Variants in NEMP2 observed in about 807,000 individuals in gnomAD.
The protein encoded by NEMP2 is nuclear envelope integral membrane protein 2.
A neutral mutation model predicts 54.2 loss-of-function variants in NEMP2; 53 were observed. The observed-to-expected ratio is 0.98, with a 90% CI of 0.78 to 1.23. The LOEUF is 1.23. NEMP2 is among the 50% of genes most tolerant of loss of function. The pLI is 0.00. For missense variants in NEMP2, 455 were observed against 511.3 expected (o/e 0.89, Z 1.06); for synonymous variants, 197 against 190.3 (o/e 1.04, Z -0.29).
chr2:190,593,199 T>C, the NEMP2 span, among the ~76,000 whole-genome samples: 1 of 152,248 alleles, frequency 6.6e-6, no homozygotes, highest in Admixed American at 6.5e-5. This position sits in a 1 kb window ranked among gnomAD's most constrained non-coding sequence, Gnocchi z 4.5. Context: ...GCATCTGCCA[T>C]GCCCTAGCTT....
At chr2:190,588,632 C>G in the NEMP2 span, among the ~76,000 whole-genome samples, 1 of 152,058 alleles carries the variant, frequency 6.6e-6, no homozygotes, top group Non-Finnish European at 1.5e-5. This position sits in a 1 kb window ranked among gnomAD's most constrained non-coding sequence, Gnocchi z 5.0. Context: ...TCCTTTGGGC[C>G]AATTCAATGT....
Position 190,510,334 on chromosome 2 carries a change from T to C in NEMP2, c.1130+27A>G, listed in dbSNP as rs1172191676. The C allele has an allele frequency of 9.0e-6, 14 of 1,550,418 alleles. No individual in the cohort carries two copies. Among genetic ancestry groups the C allele is most frequent in the Non-Finnish European group, 1.1e-5 (13 of 1,146,168 alleles). On this transcript the variant is annotated intron_variant, in intron 8 of 8. Transcript: ENST00000409150. The surrounding 1 kb of genome is among the most constrained non-coding windows in gnomAD (Gnocchi z 5.7). The stretch of plus-strand genomic sequence containing the variant: ...TTTTAAATCATTCTGAACTAAACTA[T>C]GGTCCGAGCAGCAGAGCGGGACTTA...
At chr2:190,427,397 G>T in the NEMP2 span, among the ~76,000 whole-genome samples, 1 of 152,162 alleles carries the variant, frequency 6.6e-6, no homozygotes, top group African/African-American at 2.4e-5. Flanking sequence ...TTTTTCTGTG[G>T]TATTTGGCTG....
the NEMP2 span, among the ~76,000 whole-genome samples, chr2:190,444,047 C>T: frequency 5.3e-5 from 8 of 151,830 alleles, no homozygotes; most frequent in African/African-American, 1.9e-4. Context: ...AGAGCAAGAC[C>T]CTGTTTCAAA....
At chr2:190,483,842 A>AG in the NEMP2 span, among the ~76,000 whole-genome samples, 2 of 151,864 alleles carry the variant, frequency 1.3e-5, no homozygotes, top group Non-Finnish European at 2.9e-5. Context: ...TTTCAAAAAA[A>AG]AAAAAAAAAA....
At chr2:190,480,907 G>T in the NEMP2 span, among the ~76,000 whole-genome samples, 2 of 152,110 alleles carry the variant, frequency 1.3e-5, no homozygotes, top group African/African-American at 2.4e-5. Context: ...CAGGATCAGA[G>T]AAAATATAAT....
At chr2:190,503,663 T>C (rs944812412), downstream of NEMP2, among the ~76,000 whole-genome samples, 4 of 152,142 alleles carry the variant, frequency 2.6e-5, no homozygotes, top group African/African-American at 9.7e-5. This position sits in a 1 kb window ranked among gnomAD's most constrained non-coding sequence, Gnocchi z 6.3. Context: ...CTTTGGAGCA[T>C]GGAGACAAGA....
At chr2:190,475,857 A>C in the NEMP2 span, among the ~76,000 whole-genome samples, 2 of 152,214 alleles carry the variant, frequency 1.3e-5, no homozygotes, top group Non-Finnish European at 2.9e-5. Context: ...CTGGTACCAA[A>C]ACAGAGATAT....
At chr2:190,483,075 G>A in the NEMP2 span, among the ~76,000 whole-genome samples, 1 of 149,582 alleles carries the variant, frequency 6.7e-6, no homozygotes. Flanking sequence ...TGTATTTTTA[G>A]TAGAGACGGG....
At chr2:190,535,436 C>T (rs1342839461), upstream of NEMP2, among the ~76,000 whole-genome samples, 1 of 152,010 alleles carries the variant, frequency 6.6e-6, no homozygotes, top group Non-Finnish European at 1.5e-5. Context: ...TAACATATAA[C>T]CTGAATGATC....
chr2:190,628,198 T>C, the NEMP2 span: 1 of 152,280 alleles, frequency 6.6e-6, no homozygotes, highest in South Asian at 2.1e-4. The surrounding 1 kb of genome is among the most constrained non-coding windows in gnomAD (Gnocchi z 4.1). Flanking sequence ...TTTACTCCAT[T>C]TTAGACTCTT....
the NEMP2 span, among the ~76,000 whole-genome samples, chr2:190,450,600 C>A: frequency 7.1e-6 from 1 of 141,558 alleles, no homozygotes; most frequent in Admixed American, 7.7e-5. Context: ...TCAGATGATA[C>A]CCCCACCCCA....
the NEMP2 span, among the ~76,000 whole-genome samples, chr2:190,421,725 T>TAAA: frequency 2.7e-5 from 4 of 150,902 alleles, no homozygotes; most frequent in East Asian, 1.9e-4. Flanking sequence ...CTGGCTAACT[T>TAAA]AAAAAAAAAA....
chr2:190,591,142 G>T, the NEMP2 span, among the ~76,000 whole-genome samples: 1 of 152,264 alleles, frequency 6.6e-6, no homozygotes, highest in Middle Eastern at 3.4e-3. This position sits in a 1 kb window ranked among gnomAD's most constrained non-coding sequence, Gnocchi z 5.4. Flanking sequence ...GTATTGCCAT[G>T]CAGGGGGAGA....
the NEMP2 span, among the ~76,000 whole-genome samples, chr2:190,566,068 C>G: frequency 1.3e-5 from 2 of 151,406 alleles, no homozygotes; most frequent in African/African-American, 4.9e-5. Flanking sequence ...GAAGCAATCC[C>G]TGAAAAGGCC....
At chr2:190,538,143 C>A (rs1691439094), upstream of NEMP2, among the ~76,000 whole-genome samples, 1 of 152,110 alleles carries the variant, frequency 6.6e-6, no homozygotes, top group Admixed American at 6.5e-5. The surrounding 1 kb of genome is among the most constrained non-coding windows in gnomAD (Gnocchi z 4.1). Flanking sequence ...ATCCCCTTAC[C>A]TCTGGTAACC....
the NEMP2 span, among the ~76,000 whole-genome samples, chr2:190,429,998 C>T: frequency 2.1e-5 from 3 of 146,166 alleles, no homozygotes; most frequent in Non-Finnish European, 3.0e-5. Context: ...CCTCCCCCAG[C>T]TCCCCACCCC....
chr2:190,639,870 G>A, the NEMP2 span, among the ~76,000 whole-genome samples: 67 of 152,018 alleles, frequency 4.4e-4, 1 homozygote, highest in South Asian at 0.012. Context: ...GAATGGTCTC[G>A]ATCTCCTGAC....
At chr2:190,551,658 G>T in the NEMP2 span, among the ~76,000 whole-genome samples, 2 of 152,146 alleles carry the variant, frequency 1.3e-5, no homozygotes, top group Non-Finnish European at 2.9e-5. Flanking sequence ...CTTGTGTAGG[G>T]ATTTTTCTGC....
Sources: allele counts gnomAD v4.1 joint callset (sites outside exome capture counted in the v4.1 genomes callset), GRCh38; gene constraint gnomAD v4.1.1; non-coding constraint Gnocchi (gnomAD v3.1); transcripts MANE v1.5; gene names NCBI Gene and HGNC (gene_info 2026-07-23, HGNC 2026-07-21).